Variants in LRRTM4 observed in about 807,000 individuals in gnomAD.
LRRTM4 encodes the protein leucine rich repeat transmembrane neuronal 4, also known as leucine-rich repeat transmembrane neuronal protein 4.
Under a neutral mutation model 47.6 loss-of-function variants are expected in LRRTM4, and 25 were observed. The ratio of observed to expected loss-of-function variants is 0.53; its 90% confidence interval spans 0.38 to 0.73. The LOEUF is 0.73. Among genes scored for constraint, LRRTM4 ranks in the 30% least tolerant of loss-of-function variants. LRRTM4 has a pLI of 0.00. For synonymous variants in LRRTM4, 311 were observed against 269.5 expected (o/e 1.15, Z -1.51); for missense variants, 638 against 713.4 (o/e 0.89, Z 1.20).
intron 3 of LRRTM4, among the ~76,000 whole-genome samples, chr2:77,210,798 T>A (rs766004317): frequency 4.6e-5 from 7 of 152,078 alleles, no homozygotes; most frequent in Non-Finnish European, 8.8e-5. Flanking sequence ...AAAATAATTT[T>A]AAAAATCTTC....
At chr2:77,515,391 A>T (rs1032375846) in intron 3 of LRRTM4, among the ~76,000 whole-genome samples, 4 of 151,888 alleles carry the variant, frequency 2.6e-5, no homozygotes, top group African/African-American at 9.7e-5. Context: ...ATCTCAATTT[A>T]AAAAATCCTT....
intron 3 of LRRTM4, among the ~76,000 whole-genome samples, chr2:77,083,789 T>G (rs1470860475): frequency 3.9e-5 from 2 of 51,682 alleles, no homozygotes; most frequent in African/African-American, 1.3e-4. Context: ...CACACTTTTT[T>G]TTTTTTTTTT....
At chr2:77,390,691 T>A (rs1336964212) in intron 3 of LRRTM4, among the ~76,000 whole-genome samples, 1 of 151,476 alleles carries the variant, frequency 6.6e-6, no homozygotes, top group Non-Finnish European at 1.5e-5. Flanking sequence ...TTATATATGA[T>A]GATGATGATT....
chr2:77,421,588 TC>T (rs1357415970), intron 3 of LRRTM4, among the ~76,000 whole-genome samples: 1 of 152,068 alleles, frequency 6.6e-6, no homozygotes, highest in Non-Finnish European at 1.5e-5. Context: ...GTGCCTGTAG[TC>T]CCAGCTACTC....
chr2:76,844,840 G>C (rs1311172962), intron 3 of LRRTM4, among the ~76,000 whole-genome samples: 1 of 152,106 alleles, frequency 6.6e-6, no homozygotes, highest in East Asian at 1.9e-4. Flanking sequence ...TCAGCTTAGA[G>C]ATTGATTAGT....
intron 3 of LRRTM4, among the ~76,000 whole-genome samples, chr2:76,824,220 T>C (rs1168565330): frequency 1.3e-5 from 2 of 151,700 alleles, no homozygotes; most frequent in East Asian, 1.9e-4. Flanking sequence ...ATGGAAAGCG[T>C]GTTTGCCTCC....
intron 3 of LRRTM4, among the ~76,000 whole-genome samples, chr2:76,829,014 CTGTGACCCTTCCCA>C (rs1242182378): frequency 2.0e-5 from 3 of 151,924 alleles, no homozygotes; most frequent in African/African-American, 7.2e-5. Context: ...ATTATTCTAG[CTGTGACCCTTCCCA>C]TGTGACCAGG....
intron 3 of LRRTM4, among the ~76,000 whole-genome samples, chr2:76,837,627 A>G (rs1202575592): frequency 2.0e-5 from 3 of 152,168 alleles, no homozygotes; most frequent in African/African-American, 7.2e-5. Context: ...CTATAAAGAC[A>G]CATGCACACG....
chr2:77,421,246 T>C, intron 3 of LRRTM4, among the ~76,000 whole-genome samples: 1 of 152,212 alleles, frequency 6.6e-6, no homozygotes, highest in Admixed American at 6.5e-5. Context: ...TTTGGAAAAC[T>C]GATAAAGGAA....
chr2:76,858,436 C>T (rs1023635009), intron 3 of LRRTM4, among the ~76,000 whole-genome samples: 3 of 152,150 alleles, frequency 2.0e-5, no homozygotes, highest in Non-Finnish European at 4.4e-5. Flanking sequence ...CACAGGTTCT[C>T]CTGCTTCTTG....
chr2:77,286,798 A>G (rs1333752146), intron 3 of LRRTM4, among the ~76,000 whole-genome samples: 1 of 152,140 alleles, frequency 6.6e-6, no homozygotes, highest in Non-Finnish European at 1.5e-5. Context: ...TTTAATGAAT[A>G]AAACAACTCT....
intron 3 of LRRTM4, among the ~76,000 whole-genome samples, chr2:77,083,223 G>A (rs1680588360): frequency 6.6e-6 from 1 of 152,182 alleles, no homozygotes. Context: ...ATGCAGGAGA[G>A]ATATTGTTAA....
Position 77,403,866 on chromosome 2 carries a change from A to G in LRRTM4, c.1551+114452T>C, listed in dbSNP as rs570865015. ...ATGTCTTTATTCCCCCACTTAAATG[A>G]GAAATATATATATATATATTTTAGG... On this transcript the variant is annotated intron_variant, in intron 3 of 3. Coordinates refer to ENST00000409884, the MANE Select transcript of LRRTM4 (RefSeq NM_001134745.3). Among the ~76,000 whole-genome samples the G allele has an allele frequency of 1.9e-4, 28 of 150,854 alleles. No homozygotes were observed. In the South Asian group the frequency reaches 5.6e-3, roughly 30 times the overall value.
intron 3 of LRRTM4, among the ~76,000 whole-genome samples, chr2:77,350,121 G>T (rs1207588206): frequency 6.6e-6 from 1 of 150,848 alleles, no homozygotes; most frequent in Non-Finnish European, 1.5e-5. Flanking sequence ...AGGAGATCGA[G>T]ACCATCCTGG....
At chr2:77,108,212 C>T (rs1177331196) in intron 3 of LRRTM4, among the ~76,000 whole-genome samples, 1 of 151,668 alleles carries the variant, frequency 6.6e-6, no homozygotes, top group Non-Finnish European at 1.5e-5. Flanking sequence ...CCATCATTAG[C>T]ATACTAAAAA....
At chr2:77,185,540 C>A (rs912119023) in intron 3 of LRRTM4, among the ~76,000 whole-genome samples, 1 of 151,932 alleles carries the variant, frequency 6.6e-6, no homozygotes, top group Non-Finnish European at 1.5e-5. Flanking sequence ...AGGAAGTGAC[C>A]AAGGTCACAC....
At chr2:77,019,253 C>CCAAAA (rs1311647672) in intron 3 of LRRTM4, among the ~76,000 whole-genome samples, 3 of 80,556 alleles carry the variant, frequency 3.7e-5, no homozygotes, top group Admixed American at 1.4e-4. Flanking sequence ...CACTGCTCTA[C>CCAAAA]AAAAAAAAAA....
intron 3 of LRRTM4, among the ~76,000 whole-genome samples, chr2:77,397,986 GC>G (rs1673767030): frequency 6.6e-6 from 1 of 151,700 alleles, no homozygotes. Context: ...AAAGCTTAAG[GC>G]CAGACTCTGG....
At chr2:77,446,498 A>G (rs1676058074) in intron 3 of LRRTM4, among the ~76,000 whole-genome samples, 1 of 152,122 alleles carries the variant, frequency 6.6e-6, no homozygotes, top group African/African-American at 2.4e-5. Context: ...ATATTAACAG[A>G]ATAAAAAATA....
Sources: allele counts gnomAD v4.1 joint callset (sites outside exome capture counted in the v4.1 genomes callset), GRCh38; gene constraint gnomAD v4.1.1; transcripts MANE v1.5; gene names NCBI Gene and HGNC (gene_info 2026-07-23, HGNC 2026-07-21).